Variants in OSBPL6 observed in about 807,000 individuals in gnomAD.
OSBPL6 encodes oxysterol-binding protein-related protein 6.
In OSBPL6, 49 loss-of-function variants were observed where a neutral mutation model predicts 125.8. The observed-to-expected ratio is 0.39, with a 90% CI of 0.31 to 0.49. OSBPL6 has a LOEUF of 0.49. Among genes scored for constraint, OSBPL6 ranks in the 20% least tolerant of loss-of-function variants. OSBPL6 has a pLI of 0.88. For missense variants in OSBPL6, 986 were observed against 1,135.4 expected (o/e 0.87, Z 1.89); for synonymous variants, 394 against 391.8 (o/e 1.01, Z -0.07).
chr2:178,343,349 A>G (rs1228028491), intron 11 of OSBPL6, among the ~76,000 whole-genome samples: 3 of 151,996 alleles, frequency 2.0e-5, no homozygotes, highest in African/African-American at 7.3e-5. Context: ...ATCGTGCCAC[A>G]ACACTCCAGC....
chr2:178,375,243 C>T (rs1029981187), intron 15 of OSBPL6, among the ~76,000 whole-genome samples: 17 of 152,278 alleles, frequency 1.1e-4, no homozygotes, highest in Non-Finnish European at 1.9e-4. Context: ...CATACTCACC[C>T]TCCATCATAG....
At chr2:178,230,864 T>C (rs2090786730) in intron 1 of OSBPL6, among the ~76,000 whole-genome samples, 1 of 152,202 alleles carries the variant, frequency 6.6e-6, no homozygotes, top group South Asian at 2.1e-4. Flanking sequence ...AACAAATTTC[T>C]GTCATGGGAT....
At chr2:178,202,234 C>T (rs2089294564) in intron 1 of OSBPL6, among the ~76,000 whole-genome samples, 1 of 152,072 alleles carries the variant, frequency 6.6e-6, no homozygotes, top group Admixed American at 6.6e-5. Flanking sequence ...GCCTTTCATT[C>T]CTTTTTGCAG....
intron 19 of OSBPL6, 109 bp downstream of exon 19, chr2:178,385,630 CA>C: frequency 1.2e-6 from 1 of 820,304 alleles, no homozygotes; most frequent in Non-Finnish European, 1.9e-6. Flanking sequence ...TGGAACTCAG[CA>C]AATGTTAGTA....
intron 1 of OSBPL6, among the ~76,000 whole-genome samples, chr2:178,246,164 G>A (rs184850799): frequency 3.3e-5 from 5 of 152,180 alleles, no homozygotes; most frequent in Admixed American, 3.3e-4. Flanking sequence ...ACCATTCTCT[G>A]TCTTCTTTCT....
intron 12 of OSBPL6, among the ~76,000 whole-genome samples, chr2:178,355,357 G>T (rs975530375): frequency 2.0e-5 from 3 of 152,030 alleles, no homozygotes; most frequent in Non-Finnish European, 1.5e-5. Context: ...TAATAAATTA[G>T]AAAAGAGAGA....
At chr2:178,369,441 A>G (rs898278097) in intron 13 of OSBPL6, among the ~76,000 whole-genome samples, 1 of 152,202 alleles carries the variant, frequency 6.6e-6, no homozygotes, top group Admixed American at 6.5e-5. Flanking sequence ...CATGATAACC[A>G]AGAAGCACTG....
At chr2:178,251,809 T>G (rs951323779) in intron 1 of OSBPL6, among the ~76,000 whole-genome samples, 1 of 152,210 alleles carries the variant, frequency 6.6e-6, no homozygotes, top group African/African-American at 2.4e-5. Flanking sequence ...TCTACTGCAT[T>G]TTCATCAGAC....
chr2:178,320,468 T>C (rs1438894124), intron 3 of OSBPL6: 50 of 1,504,060 alleles, frequency 3.3e-5, no homozygotes, highest in Non-Finnish European at 3.4e-5. Context: ...AATTAACTTA[T>C]AATTTTAGCA....
Position 178,396,521 on chromosome 2 carries a change from G to T in OSBPL6, c.*962G>T, listed in dbSNP as rs1695853898. The T allele has an allele frequency of 6.6e-6, 1 of 152,208 alleles. No individual in the cohort carries two copies. The highest frequency in any genetic ancestry group is 6.5e-5 in the Admixed American group (1 of 15,270). 9.4% of individuals were successfully genotyped at this position (152,208 alleles called of 1,614,324 possible). ...CAAAAAGCATATGGAATTCCTGTGT[G>T]GGCTTAGTAGTACTATAAATGTAAT... is the stretch of plus-strand genomic sequence containing the variant. On this transcript the variant is annotated 3_prime_UTR_variant, in exon 25 of 25. Transcript: ENST00000190611.
intron 3 of OSBPL6, among the ~76,000 whole-genome samples, chr2:178,307,109 T>C (rs1686830986): frequency 6.6e-6 from 1 of 152,186 alleles, no homozygotes; most frequent in African/African-American, 2.4e-5. Context: ...AACTTTCAAT[T>C]AGTGAGCATC....
rs1179573299 is a variant in OSBPL6 at position 178,398,584 on chromosome 2, T to A, written c.*3025T>A. 6.6e-6 allele frequency: 1 copy of A among 152,230 alleles called. No individual in the cohort carries two copies. The highest frequency in any genetic ancestry group is 1.5e-5 in the Non-Finnish European group (1 of 68,034). The allele number at this position is 152,230 out of a possible 1,614,324, so 9.4% of individuals were successfully genotyped here. A position where few individuals can be genotyped will look rare whatever the true frequency, so the allele number is the denominator to read the frequency against. Reference sequence around the variant, plus strand: ...GCCATTGTTTTTCATGGATTATTTTTAAAATACCTACCCCATAATTTTCAG... The same window carrying A: ...GCCATTGTTTTTCATGGATTATTTTAAAAATACCTACCCCATAATTTTCAG... On this transcript the variant is annotated 3_prime_UTR_variant, in exon 25 of 25. Transcript: ENST00000190611.
intron 3 of OSBPL6, among the ~76,000 whole-genome samples, chr2:178,314,944 A>G (rs1687604560): frequency 6.6e-6 from 1 of 152,180 alleles, no homozygotes; most frequent in African/African-American, 2.4e-5. Context: ...AGCATTTGTC[A>G]ATCATTTTTT....
intron 2 of OSBPL6, among the ~76,000 whole-genome samples, chr2:178,303,381 TC>T (rs1489004189): frequency 6.6e-6 from 1 of 152,128 alleles, no homozygotes; most frequent in East Asian, 1.9e-4. Flanking sequence ...TTACAAAAAT[TC>T]CCCCTGTAAT....
At chr2:178,351,066 G>C (rs1205921306) in intron 12 of OSBPL6, among the ~76,000 whole-genome samples, 3 of 152,020 alleles carry the variant, frequency 2.0e-5, no homozygotes, top group Admixed American at 2.0e-4. Flanking sequence ...ACTCTTAATG[G>C]TTTAGGTATA....
intron 1 of OSBPL6, among the ~76,000 whole-genome samples, chr2:178,227,727 A>G (rs2090621778): frequency 6.6e-6 from 1 of 152,236 alleles, no homozygotes; most frequent in Non-Finnish European, 1.5e-5. Context: ...TAAGTTTAAG[A>G]GCAACTAAAA....
At chr2:178,390,148 A>T (rs1695275694) in intron 21 of OSBPL6, among the ~76,000 whole-genome samples, 1 of 152,252 alleles carries the variant, frequency 6.6e-6, no homozygotes, top group African/African-American at 2.4e-5. Context: ...TAACTAAAAT[A>T]TGTAAATCAA....
At chr2:178,321,592 C>G (rs1688250800) in intron 3 of OSBPL6, among the ~76,000 whole-genome samples, 1 of 152,088 alleles carries the variant, frequency 6.6e-6, no homozygotes, top group Non-Finnish European at 1.5e-5. Context: ...GTTCTAGACT[C>G]GTGAGTTTCT....
rs189100789 is a variant in OSBPL6 at position 178,212,054 on chromosome 2, T to G, written c.-351+17380T>G. Among the ~76,000 whole-genome samples, 121 of 152,300 alleles carry G rather than the reference T, an allele frequency of 7.9e-4. 1 individual carries two copies. The highest frequency in any genetic ancestry group is 7.9e-3 in the Admixed American group (121 of 15,294). On this transcript the variant is annotated intron_variant, in intron 1 of 24. Transcript: ENST00000190611. ...GAGAAAAAATGTCATCATCAAATAT[T>G]CATTAAGCTCCCACTTGTGCCTCGT... is the stretch of plus-strand genomic sequence containing the variant.
Sources: allele counts gnomAD v4.1 joint callset (sites outside exome capture counted in the v4.1 genomes callset), GRCh38; gene constraint gnomAD v4.1.1; transcripts MANE v1.5; gene names NCBI Gene and HGNC (gene_info 2026-07-23, HGNC 2026-07-21).